FBXW11: variants seen among roughly 807,000 people sequenced by gnomAD.
FBXW11 encodes F-box and WD repeat domain containing 11.
Under a neutral mutation model 77.6 loss-of-function variants are expected in FBXW11, and 19 were observed. That is an observed-to-expected ratio of 0.24 (90% CI 0.17 to 0.36). The LOEUF (loss-of-function observed/expected upper bound fraction) is 0.36, where lower values mean the gene tolerates loss of function less well. Ranked by LOEUF, FBXW11 falls within the 10% of genes least tolerant of loss-of-function variation. The pLI is 1.00. For missense variants in FBXW11, 334 were observed against 704.2 expected (o/e 0.47, Z 5.95); for synonymous variants, 235 against 249.4 (o/e 0.94, Z 0.54).
chr5:171,953,992 T>C (rs1763488933), intron 2 of FBXW11, among the ~76,000 whole-genome samples: 1 of 152,156 alleles, frequency 6.6e-6, no homozygotes, highest in African/African-American at 2.4e-5. Flanking sequence ...GCACTAGAGC[T>C]TGGAAGGAGG....
In FBXW11 at chr5:171,869,658, T is replaced by C; in HGVS notation, c.1530+71A>G. The C allele has an allele frequency of 8.5e-7, 1 of 1,177,326 alleles. No homozygotes were observed. Among genetic ancestry groups the C allele is most frequent in the African/African-American group, 1.6e-5 (1 of 64,196 alleles). The allele number at this position is 1,177,326 out of a possible 1,614,324, so 72.9% of individuals were successfully genotyped here. On this transcript the variant is annotated intron_variant, in intron 12 of 13. Coordinates refer to ENST00000517395, the MANE Select transcript of FBXW11 (RefSeq NM_001378974.1). This position sits in a 1 kb window ranked among gnomAD's most constrained non-coding sequence, Gnocchi z 4.1. ...CACACAAGCGTTCCTGTGATACACCTAGACAGGACTATCTGCAAATGGTCA... is the reference window on the plus strand; with the variant it reads ...CACACAAGCGTTCCTGTGATACACCCAGACAGGACTATCTGCAAATGGTCA...
At chr5:171,884,164 G>A (rs1193396290) in intron 7 of FBXW11, among the ~76,000 whole-genome samples, 4 of 152,190 alleles carry the variant, frequency 2.6e-5, no homozygotes, top group Non-Finnish European at 5.9e-5. Context: ...AATTTTTCTA[G>A]TTTCAGGTCT....
At chr5:171,934,527 A>C (rs936095828) in intron 2 of FBXW11, among the ~76,000 whole-genome samples, 8 of 151,902 alleles carry the variant, frequency 5.3e-5, no homozygotes, top group African/African-American at 1.9e-4. Context: ...AAATACAAAA[A>C]TTAGCCAGGT....
Position 171,876,378 on chromosome 5 carries a change from T to C in FBXW11, c.1128A>G (p.Leu376=), listed in dbSNP as rs201522540. The C allele has an allele frequency of 4.5e-4, 722 of 1,614,084 alleles. No homozygotes were observed. Among genetic ancestry groups the C allele is most frequent in the Non-Finnish European group, 5.8e-4 (690 of 1,180,004 alleles). The stretch of plus-strand genomic sequence containing the variant: ...CCCGGTGGCCAACCAGGACACGGCG[T>C]AAAGTGATGTCGGTCGCAGAAGCCA... ...WDMASATDIT[L]RRVLVGHRAA... is the part of the protein sequence containing the mutation. The change falls in exon 9 of 14, where the codon TTA becomes TTG. Residue 376 remains leucine (L), a synonymous_variant. Transcript: ENST00000517395. The surrounding 1 kb of genome is among the most constrained non-coding windows in gnomAD (Gnocchi z 4.2).
At chr5:171,914,586 G>A (rs1246006099) in intron 2 of FBXW11, among the ~76,000 whole-genome samples, 181 bp from the exon 3 acceptor site, 3 of 152,174 alleles carry the variant, frequency 2.0e-5, no homozygotes, top group East Asian at 3.9e-4. Context: ...TTCATAAATC[G>A]ATAAAGTTAG....
At chr5:171,872,348 T>C (rs1757805420) in intron 10 of FBXW11, among the ~76,000 whole-genome samples, 1 of 152,152 alleles carries the variant, frequency 6.6e-6, no homozygotes, top group Non-Finnish European at 1.5e-5. Context: ...AGTGGGGAAA[T>C]GGCATGGGAT....
intron 3 of FBXW11, among the ~76,000 whole-genome samples, chr5:171,913,536 C>G (rs1298408101): frequency 6.6e-6 from 1 of 152,136 alleles, no homozygotes; most frequent in Middle Eastern, 3.2e-3. Flanking sequence ...CTATTTCCAG[C>G]CACGTGCTCA....
At position 171,876,680 on chromosome 5, in the gene FBXW11, T is replaced by A; in HGVS notation, c.972-146A>T. 9.1e-7 allele frequency: 1 copy of A among 1,098,930 alleles called. No individual in the cohort carries two copies. Among genetic ancestry groups the A allele is most frequent in the African/African-American group, 1.6e-5 (1 of 63,504 alleles). The allele number at this position is 1,098,930 out of a possible 1,614,324, so 68.1% of individuals were successfully genotyped here. ...CTCATGTTGAAATTGATCCTCAATG[T>A]TGGAGGTGGGGCCTGGCAGGAGATG... On this transcript the variant is annotated intron_variant, in intron 8 of 13. Transcript: ENST00000517395. This position sits in a 1 kb window ranked among gnomAD's most constrained non-coding sequence, Gnocchi z 4.2.
chr5:171,948,070 C>T (rs763810623), intron 2 of FBXW11, among the ~76,000 whole-genome samples: 4 of 151,622 alleles, frequency 2.6e-5, no homozygotes, highest in Non-Finnish European at 5.9e-5. Context: ...CCCATCTCTA[C>T]TAAAAATACA....
chr5:171,936,483 G>A (rs1330216220), intron 2 of FBXW11, among the ~76,000 whole-genome samples: 3 of 137,354 alleles, frequency 2.2e-5, no homozygotes, highest in African/African-American at 2.8e-5. Flanking sequence ...GCAACATAGT[G>A]AGAGCCTGTC....
chr5:171,894,010 A>T (rs923195558), intron 6 of FBXW11, among the ~76,000 whole-genome samples: 1 of 76,604 alleles, frequency 1.3e-5, no homozygotes, highest in Admixed American at 1.7e-4. Flanking sequence ...TATACCAAAA[A>T]GAATTTTCTC....
intron 2 of FBXW11, among the ~76,000 whole-genome samples, chr5:171,932,010 G>C (rs529270167): frequency 6.6e-6 from 1 of 151,728 alleles, no homozygotes; most frequent in South Asian, 2.1e-4. Flanking sequence ...GAGTAGCTGC[G>C]ACCACAGGGG....
chr5:172,006,077 G>C (rs1766742486), intron 1 of FBXW11, among the ~76,000 whole-genome samples: 1 of 152,184 alleles, frequency 6.6e-6, no homozygotes, highest in Non-Finnish European at 1.5e-5. Flanking sequence ...GGGCTTGCAA[G>C]CGCGGTGCGG....
At chr5:171,965,623 T>C (rs188168132) in intron 1 of FBXW11, among the ~76,000 whole-genome samples, 57 of 151,098 alleles carry the variant, frequency 3.8e-4, no homozygotes, top group African/African-American at 1.4e-3. Flanking sequence ...AGATGAAGGG[T>C]AATGTTCTTT....
intron 1 of FBXW11, among the ~76,000 whole-genome samples, chr5:171,967,375 G>T (rs1040136304): frequency 6.6e-6 from 1 of 152,178 alleles, no homozygotes; most frequent in African/African-American, 2.4e-5. Flanking sequence ...ACAAACTATT[G>T]TGTTTCTGCT....
At chr5:171,997,167 A>G in intron 1 of FBXW11, 1 of 840,366 alleles carries the variant, frequency 1.2e-6, no homozygotes, top group Non-Finnish European at 1.7e-6. Flanking sequence ...ACAGGAAAAA[A>G]GTTATAACCC....
rs150374961 is a variant in FBXW11 at position 172,002,818 on chromosome 5, G to T, written c.45+3640C>A. 3.7e-3 allele frequency among the ~76,000 whole-genome samples: 550 copies of T among 148,810 alleles called. 1 individual carries two copies. Among genetic ancestry groups the T allele is most frequent in the African/African-American group, 0.013 (539 of 40,040 alleles). On this transcript the variant is annotated intron_variant, in intron 1 of 13. Transcript: ENST00000517395. ...GCTCAAGCAATCCTCCCCACCTCAGGCTCCTGAGTAGCAGGGACTATAGGA... is the reference window on the plus strand; with the variant it reads ...GCTCAAGCAATCCTCCCCACCTCAGTCTCCTGAGTAGCAGGGACTATAGGA...
At chr5:171,931,254 G>C (rs1762175371) in intron 2 of FBXW11, among the ~76,000 whole-genome samples, 1 of 152,184 alleles carries the variant, frequency 6.6e-6, no homozygotes, top group African/African-American at 2.4e-5. Flanking sequence ...GGAGAACAAA[G>C]TTCAAGGAAT....
intron 1 of FBXW11, among the ~76,000 whole-genome samples, chr5:171,991,515 C>G (rs1221153364): frequency 6.6e-6 from 1 of 152,108 alleles, no homozygotes; most frequent in African/African-American, 2.4e-5. Flanking sequence ...TTTAAAATAC[C>G]ATAAGCACAC....
Sources: allele counts gnomAD v4.1 joint callset (sites outside exome capture counted in the v4.1 genomes callset), GRCh38; gene constraint gnomAD v4.1.1; non-coding constraint Gnocchi (gnomAD v3.1); transcripts MANE v1.5; gene names NCBI Gene and HGNC (gene_info 2026-07-23, HGNC 2026-07-21).